The following SPAG9 variants were observed in gnomAD, a reference collection of about 807,000 sequenced individuals.
SPAG9 encodes the protein C-Jun-amino-terminal kinase-interacting protein 4.
Under a neutral mutation model 166.5 loss-of-function variants are expected in SPAG9, and 35 were observed. The observed-to-expected ratio is 0.21, with a 90% confidence interval of 0.16 to 0.28. SPAG9 has a LOEUF of 0.28. SPAG9 is among the 10% of genes least tolerant of loss of function. SPAG9 has a pLI of 1.00. For synonymous variants in SPAG9, 534 were observed against 565.5 expected, an observed-to-expected ratio of 0.94 and a Z score of 0.79; for missense variants, 1,235 against 1,603.3, an observed-to-expected ratio of 0.77 and a Z score of 3.92.
At chr17:51,043,650 G>A (rs1018894678) in intron 4 of SPAG9, among the ~76,000 whole-genome samples, 4 of 152,104 alleles carry the variant, frequency 2.6e-5, no homozygotes, top group African/African-American at 7.2e-5. Context: ...GCTACTAGCT[G>A]ACTTTTATTT....
intron 1 of SPAG9, among the ~76,000 whole-genome samples, chr17:51,083,846 C>G (rs1405938163): frequency 6.6e-6 from 1 of 152,022 alleles, no homozygotes; most frequent in African/African-American, 2.4e-5. Flanking sequence ...AAAAACGCCC[C>G]CGCCCATGTC....
chr17:51,037,476 G>A (rs192968849), intron 5 of SPAG9, among the ~76,000 whole-genome samples: 285 of 151,388 alleles, frequency 1.9e-3, no homozygotes, highest in Non-Finnish European at 3.0e-3. Flanking sequence ...AGCCAGGCAC[G>A]GTGGTGGACG....
At chr17:51,048,989 G>A (rs556496905) in intron 3 of SPAG9, among the ~76,000 whole-genome samples, 4 of 152,274 alleles carry the variant, frequency 2.6e-5, no homozygotes, top group African/African-American at 9.6e-5. Context: ...CTTGTGTCAG[G>A]AAGAATTTTC....
intron 16 of SPAG9, 120 bp downstream of exon 16, chr17:50,996,445 C>G: frequency 4.4e-6 from 5 of 1,148,080 alleles, no homozygotes; most frequent in Non-Finnish European, 6.2e-6. Flanking sequence ...AAATGTGTGC[C>G]CAGTCCATGC....
At chr17:50,998,657 G>A (rs758507311) in intron 14 of SPAG9, 40 bp from the exon 15 acceptor site, 5 of 1,563,848 alleles carry the variant, frequency 3.2e-6, no homozygotes, top group East Asian at 4.5e-5. Context: ...CATGTACTAT[G>A]AGAAACAATC....
chr17:51,018,660 C>T (rs1187355056), intron 8 of SPAG9, among the ~76,000 whole-genome samples: 2 of 152,120 alleles, frequency 1.3e-5, no homozygotes, highest in African/African-American at 4.8e-5. Context: ...GGGGGAGGGG[C>T]CCTGGACCCA....
intron 23 of SPAG9, 131 bp downstream of exon 23, chr17:50,985,567 A>C (rs1974987569): frequency 1.7e-6 from 1 of 583,482 alleles, no homozygotes; most frequent in African/African-American, 1.9e-5. Flanking sequence ...GTTCCATAAA[A>C]AGGGTTAAAA....
chr17:50,976,921 T>G, intron 27 of SPAG9, 187 bp downstream of exon 27: 1 of 456,048 alleles, frequency 2.2e-6, no homozygotes. Flanking sequence ...CTTTTAATTA[T>G]GAGTATTGGT....
chr17:51,012,830 C>T (rs910361269), intron 9 of SPAG9, among the ~76,000 whole-genome samples: 8 of 151,534 alleles, frequency 5.3e-5, no homozygotes, highest in African/African-American at 1.2e-4. Flanking sequence ...TCACTGCAAC[C>T]TCTGCCTCCC....
intron 12 of SPAG9, among the ~76,000 whole-genome samples, chr17:51,002,222 G>T (rs754828262): frequency 1.3e-5 from 2 of 151,924 alleles, no homozygotes; most frequent in Non-Finnish European, 2.9e-5. Flanking sequence ...TCGTTATGTT[G>T]CCCAGGCTCA....
At chr17:50,973,156 T>C (rs962143842) in intron 28 of SPAG9, among the ~76,000 whole-genome samples, 2 of 152,220 alleles carry the variant, frequency 1.3e-5, no homozygotes, top group African/African-American at 2.4e-5. Context: ...TGTAGAAGCA[T>C]ACATATAAAA....
At chr17:51,006,859 G>A (rs2045240609) in intron 10 of SPAG9, among the ~76,000 whole-genome samples, 1 of 152,152 alleles carries the variant, frequency 6.6e-6, no homozygotes, top group African/African-American at 2.4e-5. Context: ...ATGGAAGACA[G>A]CTCTGAAGAG....
intron 2 of SPAG9, among the ~76,000 whole-genome samples, chr17:51,068,147 T>C (rs531049019): frequency 3.3e-5 from 5 of 152,316 alleles, no homozygotes; most frequent in Admixed American, 2.0e-4. Flanking sequence ...CCTCAGAAGA[T>C]TGACATGTGG....
Position 51,020,247 on chromosome 17 carries a change from T to G in SPAG9, c.1003A>C (p.Asn335His), listed in dbSNP as rs1454586890. 3 of 1,611,348 alleles carry G rather than the reference T, an allele frequency of 1.9e-6. No homozygotes were observed. The highest frequency in any genetic ancestry group is 2.5e-6 in the Non-Finnish European group (3 of 1,177,612). The change falls in exon 8 of 30, where the codon AAT (asparagine) becomes CAT (histidine). Residue 335 changes from asparagine (N) to histidine (H), a missense_variant. Asn to His is a moderately conservative substitution (Grantham distance 68, BLOSUM62 1). Around this residue, in one of 6 missense-constraint regions of SPAG9, gnomAD observed 288 missense variants for 323.7 expected, o/e 0.89. Coordinates refer to ENST00000262013, the MANE Select transcript of SPAG9 (RefSeq NM_001130528.3). ...GCTTGAACTTCTGACTTTTCTTCAT[T>G]TTCAGCAGAGCCTTAAAAAAGGACA... ...TRNVSTGSAE[N>H]EEKSEVQAII...
chr17:50,985,710 A>G lies in SPAG9; in HGVS notation c.3008T>C (p.Ile1003Thr). ...AAATAAAACTTACACAATACTGAGA[A>G]TCGAATCTTTAAGTTTAATGGAATG... ...CLHSIKLKDS[I>T]LSIVHVKGIV... Residue 1003 changes from isoleucine to threonine, a missense_variant, in exon 23 of 30, where the codon ATT (isoleucine) becomes ACT (threonine). Physicochemically the swap from Ile to Thr is moderately conservative, Grantham distance 89 (BLOSUM62 -1). This residue lies in a region of SPAG9 where 493 missense variants were observed against 559.4 expected (regional missense o/e 0.88). Coordinates refer to ENST00000262013, the MANE Select transcript of SPAG9 (RefSeq NM_001130528.3). 2 of 1,590,344 alleles carry G rather than the reference A, an allele frequency of 1.3e-6. No homozygotes were observed. Among genetic ancestry groups the G allele is most frequent in the Non-Finnish European group, 1.7e-6 (2 of 1,159,696 alleles).
chr17:51,073,993 T>C (rs938259026), intron 2 of SPAG9, among the ~76,000 whole-genome samples: 2 of 152,176 alleles, frequency 1.3e-5, no homozygotes, highest in African/African-American at 2.4e-5. Context: ...TCCCAGCACT[T>C]TGGGAGGCCG....
At chr17:51,098,641 T>C (rs1237901627) in intron 1 of SPAG9, among the ~76,000 whole-genome samples, 1 of 152,048 alleles carries the variant, frequency 6.6e-6, no homozygotes, top group African/African-American at 2.4e-5. Context: ...TACAGGCATC[T>C]GCCACCACGC....
rs967605834 is a variant in SPAG9, at chr17:50,964,789, G to A, written c.*1483C>T. ...CTGTTTTGAGACAGGGTCTTGCTCC[G>A]TCACCCAGGCTGGAGTGCAGTGGTG... is the stretch of plus-strand genomic sequence containing the variant. On this transcript the variant is annotated 3_prime_UTR_variant, in exon 30 of 30. Transcript: ENST00000262013. 9 of 437,786 alleles carry A rather than the reference G, an allele frequency of 2.1e-5. No homozygotes were observed. Among genetic ancestry groups the A allele is most frequent in the African/African-American group, 8.2e-5 (4 of 48,876 alleles). 27.1% of individuals were successfully genotyped at this position (437,786 alleles called of 1,614,324 possible).
intron 1 of SPAG9, among the ~76,000 whole-genome samples, chr17:51,093,804 G>A (rs1035243770): frequency 2.6e-5 from 4 of 151,990 alleles, no homozygotes; most frequent in African/African-American, 9.7e-5. Context: ...GGAGGGTTGA[G>A]TGGAAGTCTA....
Sources: gnomAD v4.1 joint callset for allele counts (sites outside exome capture counted in the v4.1 genomes callset) on GRCh38, gnomAD v4.1.1 for gene constraint, gnomAD v4.1.1 regional missense constraint, MANE v1.5 for transcripts, NCBI Gene and HGNC (gene_info 2026-07-23, HGNC 2026-07-21) for gene names.